Variants in EXOC5 observed in about 807,000 individuals in gnomAD.
EXOC5 encodes the protein exocyst complex component 5, also known as SEC10-like 1.
A neutral mutation model predicts 90.8 loss-of-function variants in EXOC5; 17 were observed. The ratio of observed to expected loss-of-function variants is 0.19; its 90% CI spans 0.13 to 0.28. EXOC5 has a LOEUF of 0.28. Ranked by LOEUF, EXOC5 falls within the 10% of genes least tolerant of loss-of-function variation. The pLI, the probability that EXOC5 is intolerant of heterozygous loss-of-function variation, is 1.00. For synonymous variants in EXOC5, 260 were observed against 270.0 expected (o/e 0.96, Z 0.36); for missense variants, 569 against 830.6 (o/e 0.69, Z 3.87).
chr14:57,226,753 T>C (rs1036577474), intron 12 of EXOC5, among the ~76,000 whole-genome samples: 6 of 152,148 alleles, frequency 3.9e-5, no homozygotes, highest in Non-Finnish European at 5.9e-5. Context: ...GTCTTTTCAA[T>C]AAATGAAACT....
intron 11 of EXOC5, among the ~76,000 whole-genome samples, chr14:57,230,632 A>G (rs1016031278): frequency 2.6e-5 from 4 of 152,196 alleles, no homozygotes; most frequent in African/African-American, 7.2e-5. Flanking sequence ...GAGTCCACCA[A>G]TGTCATTCTG....
At chr14:57,225,971 G>C (rs1883295486) in intron 12 of EXOC5, among the ~76,000 whole-genome samples, 1 of 152,204 alleles carries the variant, frequency 6.6e-6, no homozygotes, top group Non-Finnish European at 1.5e-5. Context: ...TTGCATGTCA[G>C]AGGTGGGTAG....
chr14:57,268,690 C>T lies in EXOC5; in HGVS notation c.-42G>A, dbSNP rs1884778684. Reference sequence around the variant, plus strand: ...GCTCGCCCCCCACTGGATGCCGTCTCCGCTTCACATGCTGCGCCTCAGAGG... The same window carrying T: ...GCTCGCCCCCCACTGGATGCCGTCTTCGCTTCACATGCTGCGCCTCAGAGG... On this transcript the variant is annotated 5_prime_UTR_variant, in exon 1 of 18. Transcript: ENST00000621441. The T allele has an allele frequency of 6.4e-7, 1 of 1,566,736 alleles. No individual in the cohort carries two copies.
chr14:57,233,133 A>G (rs1236049591), intron 9 of EXOC5: 1 of 158,446 alleles, frequency 6.3e-6, no homozygotes, highest in Non-Finnish European at 1.4e-5. Context: ...GTCTATAGGC[A>G]TTACTCCAAA....
chr14:57,237,589 G>A, intron 5 of EXOC5: 2 of 426,238 alleles, frequency 4.7e-6, no homozygotes, highest in South Asian at 4.2e-5. Context: ...AAGCATGCCA[G>A]GTGATAAAAC....
rs1882610275 is a variant in EXOC5 at position 57,205,088 on chromosome 14, G to A, written c.*3521C>T. Reference sequence around the variant, plus strand: ...TTTCATCTGTCAAATGGAAATAATAGTACCCAAATCCTAGGGTTGCTCTAG... The same window carrying A: ...TTTCATCTGTCAAATGGAAATAATAATACCCAAATCCTAGGGTTGCTCTAG... On this transcript the variant is annotated 3_prime_UTR_variant, in exon 18 of 18. Coordinates refer to ENST00000621441, the MANE Select transcript of EXOC5 (RefSeq NM_006544.4). The A allele has an allele frequency of 6.6e-6, 1 of 151,932 alleles. No homozygotes were observed. Among genetic ancestry groups the A allele is most frequent in the South Asian group, 2.1e-4 (1 of 4,832 alleles). 9.4% of individuals were successfully genotyped at this position (151,932 alleles called of 1,614,324 possible).
At chr14:57,261,148 ATTAT>A (rs1323499700) in intron 1 of EXOC5, among the ~76,000 whole-genome samples, 64 of 152,374 alleles carry the variant, frequency 4.2e-4, no homozygotes, top group South Asian at 2.1e-4. Flanking sequence ...AAACTTTTAA[ATTAT>A]TTATCACTCA....
At chr14:57,225,037 G>A (rs1368271310) in intron 12 of EXOC5, among the ~76,000 whole-genome samples, 2 of 152,084 alleles carry the variant, frequency 1.3e-5, no homozygotes, top group African/African-American at 2.4e-5. Flanking sequence ...ACTCCAGCCT[G>A]GGCGTCAGAG....
chr14:57,222,830 AC>A (rs1290194933), intron 12 of EXOC5, among the ~76,000 whole-genome samples: 1 of 151,526 alleles, frequency 6.6e-6, no homozygotes, highest in Non-Finnish European at 1.5e-5. Context: ...CACAGGGCTA[AC>A]ATGTAAAATG....
At chr14:57,258,432 C>G (rs549026587) in intron 1 of EXOC5, among the ~76,000 whole-genome samples, 2 of 152,302 alleles carry the variant, frequency 1.3e-5, no homozygotes, top group East Asian at 3.9e-4. Context: ...TCATTCTCAG[C>G]AAACTCACAC....
rs752157595 is a variant in EXOC5, at chr14:57,268,669, G to T, written c.-21C>A. On this transcript the variant is annotated 5_prime_UTR_variant, in exon 1 of 18. Coordinates refer to ENST00000621441, the MANE Select transcript of EXOC5 (RefSeq NM_006544.4). ...GCCATCCCGGCCGGCTGAGAGGCTC[G>T]CCCCCCACTGGATGCCGTCTCCGCT... is the stretch of plus-strand genomic sequence containing the variant. 4 of 1,576,218 alleles carry T rather than the reference G, an allele frequency of 2.5e-6. No individual in the cohort carries two copies. The highest frequency in any genetic ancestry group is 1.3e-5 in the African/African-American group (1 of 74,076).
intron 1 of EXOC5, among the ~76,000 whole-genome samples, chr14:57,259,452 C>T (rs1884438022): frequency 6.6e-6 from 1 of 152,146 alleles, no homozygotes; most frequent in Non-Finnish European, 1.5e-5. Context: ...ACCACCTACC[C>T]AAATTTCTCT....
intron 1 of EXOC5, chr14:57,268,300 T>C: frequency 1.9e-6 from 1 of 539,770 alleles, no homozygotes; most frequent in Non-Finnish European, 3.2e-6. Flanking sequence ...CCACTACTCA[T>C]CCGGAGTAGA....
intron 1 of EXOC5, among the ~76,000 whole-genome samples, chr14:57,260,776 A>G (rs1884480788): frequency 6.6e-6 from 1 of 152,234 alleles, no homozygotes; most frequent in South Asian, 2.1e-4. Context: ...AAGTCTTATC[A>G]AGGTACTAAA....
intron 15 of EXOC5, among the ~76,000 whole-genome samples, chr14:57,213,666 A>AT (rs933562205): frequency 6.6e-6 from 1 of 151,526 alleles, no homozygotes; most frequent in African/African-American, 2.4e-5. Flanking sequence ...CACAAAAAAA[A>AT]TTTTTTTTTA....
chr14:57,268,449 C>A, intron 1 of EXOC5, 173 bp downstream of exon 1: 1 of 1,483,104 alleles, frequency 6.7e-7, no homozygotes, highest in Non-Finnish European at 8.9e-7. Context: ...ACCCCTCCCC[C>A]ATTTCACGCT....
At chr14:57,250,779 C>T (rs1282371866) in intron 1 of EXOC5, among the ~76,000 whole-genome samples, 1 of 152,110 alleles carries the variant, frequency 6.6e-6, no homozygotes, top group Non-Finnish European at 1.5e-5. Flanking sequence ...CCTAAAGTCG[C>T]CCCTGTCCAG....
chr14:57,252,937 G>A (rs1884236100), intron 1 of EXOC5, among the ~76,000 whole-genome samples: 1 of 151,916 alleles, frequency 6.6e-6, no homozygotes, highest in Admixed American at 6.6e-5. Flanking sequence ...TATTCACAAG[G>A]GAATACTACT....
chr14:57,221,172 T>G (rs1365658868), intron 13 of EXOC5, among the ~76,000 whole-genome samples: 1 of 152,138 alleles, frequency 6.6e-6, no homozygotes, highest in Admixed American at 6.5e-5. Flanking sequence ...ATCAGATGAT[T>G]GAAAAGCCAG....
Sources: gnomAD v4.1 joint callset for allele counts (sites outside exome capture counted in the v4.1 genomes callset) on GRCh38, gnomAD v4.1.1 for gene constraint, MANE v1.5 for transcripts, NCBI Gene and HGNC (gene_info 2026-07-23, HGNC 2026-07-21) for gene names.